The following KCTD5 variants were observed in gnomAD, a reference collection of about 807,000 sequenced individuals.
The protein encoded by KCTD5 is potassium channel tetramerization domain containing 5.
A neutral mutation model predicts 27.9 loss-of-function variants in KCTD5; 12 were observed. The observed-to-expected ratio is 0.43, with a 90% CI of 0.28 to 0.70. The LOEUF is 0.70. Among genes scored for constraint, KCTD5 ranks in the 30% least tolerant of loss-of-function variants. The pLI is 0.19. For synonymous variants in KCTD5, 147 were observed against 121.4 expected (o/e 1.21, Z -1.39); for missense variants, 226 against 274.8 (o/e 0.82, Z 1.26).
Position 2,702,486 on chromosome 16 carries a change from C to T in KCTD5, c.675+8C>T. On this transcript the variant is annotated splice_region_variant and intron_variant, in intron 5 of 5. Coordinates refer to ENST00000301738, the MANE Select transcript of KCTD5 (RefSeq NM_018992.4). Reference sequence around the variant, plus strand: ...CCCAGCGAGAAGGCCAAGGTGAGTGCTGGGCCGGCCCTGGCCTGGGGCAGT... The same window carrying T: ...CCCAGCGAGAAGGCCAAGGTGAGTGTTGGGCCGGCCCTGGCCTGGGGCAGT... The T allele has an allele frequency of 6.2e-7, 1 of 1,612,570 alleles. No individual in the cohort carries two copies. Among genetic ancestry groups the T allele is most frequent in the South Asian group, 1.1e-5 (1 of 91,002 alleles).
At chr16:2,702,591 G>C in intron 5 of KCTD5, 113 bp downstream of exon 5, 1 of 1,404,008 alleles carries the variant, frequency 7.1e-7, no homozygotes, top group Non-Finnish European at 9.5e-7. Context: ...GTCCGCCCCT[G>C]GTGGCCTTGC....
At position 2,688,241 on chromosome 16, in the gene KCTD5, ATATATT is replaced by A. The variant is rs1179512588; in HGVS notation, c.252+5445_252+5450del. 1.9e-3 allele frequency among the ~76,000 whole-genome samples: 224 copies of A among 115,316 alleles called. 3 individuals carry two copies. In the South Asian group the frequency reaches 0.041, roughly 21 times the overall value. The allele number at this position is 115,316 out of a possible 152,430, so 75.7% of individuals were successfully genotyped here. A position where few individuals can be genotyped will look rare whatever the true frequency, so the allele number is the denominator to read the frequency against. On this transcript the variant is annotated intron_variant, in intron 1 of 5. Coordinates refer to ENST00000301738, the MANE Select transcript of KCTD5 (RefSeq NM_018992.4). ...AATAAATAAATAAATATATATATAT[ATATATT>A]TATTTATTTATTTATTTATTTGAGA...
chr16:2,699,010 C>T, intron 3 of KCTD5: 1 of 403,888 alleles, frequency 2.5e-6, no homozygotes, highest in Admixed American at 2.7e-5. Context: ...TAGCATCTCA[C>T]TGTCTTGCAG....
intron 5 of KCTD5, 102 bp from the exon 6 acceptor site, chr16:2,707,196 G>A (rs1224234409): frequency 1.5e-5 from 17 of 1,154,644 alleles, no homozygotes; most frequent in Admixed American, 2.1e-5. Flanking sequence ...GGGGCTCCCC[G>A]AGCTAACCCC....
In KCTD5 at chr16:2,708,603, C is replaced by G. The variant is rs1437900509; in HGVS notation, c.*1276C>G. ...TGGTTTCCAATGCTTCTGGAGACTT[C>G]CTGCCTAGGCCTCATCCTCCTCTTT... On this transcript the variant is annotated 3_prime_UTR_variant, in exon 6 of 6. Coordinates refer to ENST00000301738, the MANE Select transcript of KCTD5 (RefSeq NM_018992.4). 6.6e-6 allele frequency: 1 copy of G among 152,358 alleles called. No homozygotes were observed. Among genetic ancestry groups the G allele is most frequent in the South Asian group, 2.1e-4 (1 of 4,832 alleles). 9.4% of individuals were successfully genotyped at this position (152,358 alleles called of 1,614,324 possible). A position where few individuals can be genotyped will look rare whatever the true frequency, so the allele number is the denominator to read the frequency against.
intron 1 of KCTD5, among the ~76,000 whole-genome samples, chr16:2,690,595 C>T (rs1348144292): frequency 6.6e-6 from 1 of 152,238 alleles, no homozygotes; most frequent in East Asian, 1.9e-4. Flanking sequence ...AGCCGTGGAA[C>T]GTATGAGAAA....
intron 1 of KCTD5, among the ~76,000 whole-genome samples, chr16:2,691,992 G>A (rs538282177): frequency 2.6e-5 from 4 of 152,186 alleles, no homozygotes; most frequent in African/African-American, 7.2e-5. Flanking sequence ...ACACAGGTGC[G>A]TCCGGGGGCT....
chr16:2,688,301 A>C (rs982774985), intron 1 of KCTD5, among the ~76,000 whole-genome samples: 2 of 149,974 alleles, frequency 1.3e-5, no homozygotes, highest in African/African-American at 4.9e-5. Flanking sequence ...CCCAGGCTGG[A>C]GTGTGGTGGG....
Position 2,699,922 on chromosome 16 carries a change from G to T in KCTD5, c.549+6G>T. ...ACGGCTGGAAGTTCGAGCAGGTGAG[G>T]GGCCCTGGCCAGCCTGGTGGCAGCC... On this transcript the variant is annotated splice_donor_region_variant and intron_variant, in intron 4 of 5. Transcript: ENST00000301738. 6.2e-7 allele frequency: 1 copy of T among 1,613,374 alleles called. No homozygotes were observed. The highest frequency in any genetic ancestry group is 8.5e-7 in the Non-Finnish European group (1 of 1,179,632).
intron 5 of KCTD5, among the ~76,000 whole-genome samples, chr16:2,704,725 C>T (rs746632459): frequency 1.8e-4 from 27 of 152,314 alleles, no homozygotes; most frequent in South Asian, 2.1e-4. Flanking sequence ...CCGCCTGCCC[C>T]CGTGGCTGAT....
intron 1 of KCTD5, among the ~76,000 whole-genome samples, chr16:2,692,722 C>T (rs2067571909): frequency 6.6e-6 from 1 of 152,256 alleles, no homozygotes; most frequent in African/African-American, 2.4e-5. Context: ...TACCGGGGAC[C>T]TACCCCCTTC....
rs763445930 is a variant in KCTD5, at chr16:2,682,554, G to C, written c.6G>C (p.Ala2=). 7.1e-7 allele frequency: 1 copy of C among 1,406,548 alleles called. No homozygotes were observed. The highest frequency in any genetic ancestry group is 1.5e-5 in the African/African-American group (1 of 66,746). The allele number at this position is 1,406,548 out of a possible 1,614,324, so 87.1% of individuals were successfully genotyped here. Residue 2 remains alanine (A), a synonymous_variant, in exon 1 of 6, where the codon GCG becomes GCC. Transcript: ENST00000301738. M[A]ENHCELLSPA... ...TTGCGGGGCTTGCTGGGATCATGGC[G>C]GAGAATCACTGCGAGCTCCTGTCGC...
chr16:2,704,770 G>A (rs1188777886), intron 5 of KCTD5, among the ~76,000 whole-genome samples: 3 of 152,168 alleles, frequency 2.0e-5, no homozygotes, highest in Non-Finnish European at 4.4e-5. Context: ...CCTCCCTCCT[G>A]CAGCAGTGGG....
At position 2,702,442 on chromosome 16, in the gene KCTD5, G is replaced by T. The variant is rs561409300; in HGVS notation, c.639G>T (p.Pro213=). ...CVVSKELHNT[P]YGTASEPSEK... Reference sequence around the variant, plus strand: ...TGTCCAAGGAGCTGCACAACACCCCGTACGGTACGGCCAGCGAGCCCAGCG... The same window carrying T: ...TGTCCAAGGAGCTGCACAACACCCCTTACGGTACGGCCAGCGAGCCCAGCG... Residue 213 remains proline (P), a synonymous_variant, in exon 5 of 6, where the codon CCG becomes CCT. Transcript: ENST00000301738. 1 of 1,613,322 alleles carries T rather than the reference G, an allele frequency of 6.2e-7. No individual in the cohort carries two copies. The highest frequency in any genetic ancestry group is 8.5e-7 in the Non-Finnish European group (1 of 1,179,958).
intron 3 of KCTD5, among the ~76,000 whole-genome samples, chr16:2,698,296 C>T (rs377416612): frequency 3.3e-5 from 5 of 152,044 alleles, no homozygotes; most frequent in Non-Finnish European, 5.9e-5. Context: ...CCATGAGGGC[C>T]GGTCGGGGAG....
chr16:2,682,560 T>A lies in KCTD5; in HGVS notation c.12T>A (p.Asn4Lys), dbSNP rs758137944. 5.7e-6 allele frequency: 8 copies of A among 1,408,556 alleles called. No individual in the cohort carries two copies. Among genetic ancestry groups the A allele is most frequent in the Non-Finnish European group, 7.4e-6 (8 of 1,084,796 alleles). 87.3% of individuals were successfully genotyped at this position (1,408,556 alleles called of 1,614,324 possible). Residue 4 changes from asparagine (N) to lysine (K), a missense_variant, in exon 1 of 6, where the codon AAT (asparagine) becomes AAA (lysine). This residue lies in a region of KCTD5 where 91 missense variants were observed against 67.8 expected (regional missense o/e 1.34). Transcript: ENST00000301738. ...GGCTTGCTGGGATCATGGCGGAGAA[T>A]CACTGCGAGCTCCTGTCGCCGGCCC... MAE[N>K]HCELLSPARG...
intron 3 of KCTD5, among the ~76,000 whole-genome samples, 176 bp from the exon 4 acceptor site, chr16:2,699,645 G>C (rs1567195503): frequency 6.6e-6 from 1 of 152,232 alleles, no homozygotes; most frequent in Non-Finnish European, 1.5e-5. Flanking sequence ...GAAAACAGCA[G>C]CTGTTCGGGC....
At chr16:2,691,156 C>G (rs1158596550) in intron 1 of KCTD5, among the ~76,000 whole-genome samples, 2 of 152,166 alleles carry the variant, frequency 1.3e-5, no homozygotes, top group African/African-American at 4.8e-5. Context: ...TTTGGGGGTC[C>G]TGGTTTAAGA....
intron 5 of KCTD5, among the ~76,000 whole-genome samples, chr16:2,702,809 G>A (rs2067618397): frequency 7.9e-6 from 1 of 126,904 alleles, no homozygotes; most frequent in Non-Finnish European, 1.7e-5. Context: ...CCTCTGCTGT[G>A]TGAGTGAGGA....
Sources: gnomAD v4.1 joint callset for allele counts (sites outside exome capture counted in the v4.1 genomes callset) on GRCh38, gnomAD v4.1.1 for gene constraint, gnomAD v4.1.1 regional missense constraint, MANE v1.5 for transcripts, NCBI Gene and HGNC (gene_info 2026-07-23, HGNC 2026-07-21) for gene names.